Variants in AGO3 observed in about 807,000 individuals in gnomAD.
AGO3 encodes the protein protein argonaute-3.
Under a neutral mutation model 105.5 loss-of-function variants are expected in AGO3, and 16 were observed. The observed-to-expected ratio is 0.15, with a 90% CI of 0.10 to 0.23. The LOEUF (loss-of-function observed/expected upper bound fraction) is 0.23. AGO3 is among the 10% of genes least tolerant of loss of function. AGO3 has a pLI of 1.00. For missense variants in AGO3, 534 were observed against 1,088.0 expected (o/e 0.49, Z 7.16); for synonymous variants, 340 against 367.3 (o/e 0.93, Z 0.85).
chr1:35,992,115 A>T (rs1291186016), intron 5 of AGO3: 1 of 152,220 alleles, frequency 6.6e-6, no homozygotes, highest in Non-Finnish European at 1.5e-5. Flanking sequence ...TGCCTAAAGG[A>T]TAGCAGTGTG....
chr1:36,027,329 C>A lies in AGO3; in HGVS notation c.1591+31C>A. 1 of 1,553,278 alleles carries A rather than the reference C, an allele frequency of 6.4e-7. No homozygotes were observed. Among genetic ancestry groups the A allele is most frequent in the Non-Finnish European group, 8.7e-7 (1 of 1,145,444 alleles). On this transcript the variant is annotated intron_variant, in intron 12 of 18. Transcript: ENST00000373191. This position sits in a 1 kb window ranked among gnomAD's most constrained non-coding sequence, Gnocchi z 4.0. ...GATATCTTAAGACTGCATTTTTCCT[C>A]AAGTACTTGATGTCCTTTTAGGATT...
At chr1:35,966,742 A>G (rs544288250) in intron 2 of AGO3, among the ~76,000 whole-genome samples, 1 of 152,200 alleles carries the variant, frequency 6.6e-6, no homozygotes, top group Non-Finnish European at 1.5e-5. Context: ...TGCTCGCTTC[A>G]TTCTTCTCTG....
At chr1:35,960,015 T>C (rs973674946) in intron 2 of AGO3, among the ~76,000 whole-genome samples, 2 of 152,154 alleles carry the variant, frequency 1.3e-5, no homozygotes, top group African/African-American at 4.8e-5. Context: ...TAAATAACTT[T>C]CTTAACAACT....
Position 36,008,736 on chromosome 1 carries a change from C to A in AGO3, c.840C>A (p.Tyr280Ter). 6.2e-7 allele frequency: 1 copy of A among 1,614,062 alleles called. No individual in the cohort carries two copies. The highest frequency in any genetic ancestry group is 8.5e-7 in the Non-Finnish European group (1 of 1,180,018). The change falls in exon 7 of 19, where the codon TAC becomes TAA. Residue 280 changes from tyrosine (Y) to a stop codon, truncating the protein, a stop_gained. Coordinates refer to ENST00000373191, the MANE Select transcript of AGO3 (RefSeq NM_024852.4). LOFTEE classifies it high-confidence loss of function. This position sits in a 1 kb window ranked among gnomAD's most constrained non-coding sequence, Gnocchi z 5.1. ...VTHCGTMRRK[Y>*]RVCNVTRRPA... is the part of the protein sequence containing the mutation. ...ATTGTGGAACAATGAGACGGAAATA[C>A]CGTGTTTGTAATGTAACAAGGAGGC...
intron 16 of AGO3, among the ~76,000 whole-genome samples, chr1:36,041,528 A>C (rs1183022400): frequency 1.3e-5 from 2 of 152,096 alleles, no homozygotes; most frequent in Non-Finnish European, 2.9e-5. Context: ...GGTGTGAGCC[A>C]CTGCGCCCGG....
intron 2 of AGO3, among the ~76,000 whole-genome samples, chr1:35,954,792 AAGG>A (rs1225298885): frequency 2.0e-5 from 3 of 152,224 alleles, no homozygotes; most frequent in African/African-American, 4.8e-5. Flanking sequence ...GCCTTTGGGT[AAGG>A]AGGAGGATGT....
rs1553172967 is a variant in AGO3, at chr1:36,055,227, G to GCGGAGTCAGTGAT, written c.2474+84_2474+96dup. The GCGGAGTCAGTGAT allele has an allele frequency of 7.0e-6, 10 of 1,424,904 alleles. No individual in the cohort carries two copies. The Admixed American group carries it at 2.0e-4, about 29-fold the overall frequency. The allele number at this position is 1,424,904 out of a possible 1,614,324, so 88.3% of individuals were successfully genotyped here. On this transcript the variant is annotated intron_variant, in intron 18 of 18. Transcript: ENST00000373191. The surrounding 1 kb of genome is among the most constrained non-coding windows in gnomAD (Gnocchi z 4.4). ...GATTTTCAAGTTCCACAAGCTATTA[G>GCGGAGTCAGTGAT]CGGAGTCAGTGATCCATGTGAAAAA...
At chr1:36,045,992 G>A (rs1294663259) in intron 17 of AGO3, among the ~76,000 whole-genome samples, 1 of 152,180 alleles carries the variant, frequency 6.6e-6, no homozygotes, top group Admixed American at 6.5e-5. Context: ...CTCCAAATCA[G>A]GATCAGCTGG....
At chr1:36,051,044 A>C (rs1346129744) in intron 17 of AGO3, among the ~76,000 whole-genome samples, 1 of 151,946 alleles carries the variant, frequency 6.6e-6, no homozygotes, top group Admixed American at 6.6e-5. Flanking sequence ...ACCCAGGCTG[A>C]GTTTAAGCAG....
intron 9 of AGO3, among the ~76,000 whole-genome samples, chr1:36,011,148 C>T (rs1360449852): frequency 6.6e-6 from 1 of 152,062 alleles, no homozygotes; most frequent in Non-Finnish European, 1.5e-5. Flanking sequence ...TCTCGAATAC[C>T]ATTTTAACTG....
intron 17 of AGO3, among the ~76,000 whole-genome samples, chr1:36,043,856 C>CT (rs1642350582): frequency 6.6e-6 from 1 of 151,390 alleles, no homozygotes; most frequent in African/African-American, 2.4e-5. Context: ...TTAGCATATG[C>CT]ATCTTTAAAA....
At chr1:36,050,599 C>G (rs1642670939) in intron 17 of AGO3, among the ~76,000 whole-genome samples, 1 of 151,800 alleles carries the variant, frequency 6.6e-6, no homozygotes, top group African/African-American at 2.4e-5. Context: ...CGTGACCAGC[C>G]TGGCCAACAT....
rs367968988 is a variant in AGO3 at position 36,020,606 on chromosome 1, C to CATTT, written c.1407-6484_1407-6481dup. On this transcript the variant is annotated intron_variant, in intron 11 of 18. Coordinates refer to ENST00000373191, the MANE Select transcript of AGO3 (RefSeq NM_024852.4). ...GAAGTTATTTTTAATAACTGCCATA[C>CATTT]ATTTATTTATTTATTTATTTATTTA... 5.7e-3 allele frequency among the ~76,000 whole-genome samples: 859 copies of CATTT among 151,932 alleles called. 1 individual carries two copies. The highest frequency in any genetic ancestry group is 0.01 in the Middle Eastern group (3 of 292).
intron 5 of AGO3, among the ~76,000 whole-genome samples, chr1:35,988,387 T>G (rs192567452): frequency 9.2e-5 from 14 of 152,314 alleles, no homozygotes; most frequent in Non-Finnish European, 1.3e-4. Flanking sequence ...TCTCCAGAAC[T>G]TACTCATCTT....
intron 17 of AGO3, among the ~76,000 whole-genome samples, chr1:36,051,241 A>G (rs1642705190): frequency 6.6e-6 from 1 of 152,164 alleles, no homozygotes; most frequent in Non-Finnish European, 1.5e-5. Context: ...GGCCTCAAAT[A>G]TCTTTTACAT....
intron 4 of AGO3, 83 bp downstream of exon 4, chr1:35,972,315 T>G: frequency 7.2e-7 from 1 of 1,397,558 alleles, no homozygotes; most frequent in East Asian, 2.5e-5. Context: ...AAACCTTTAT[T>G]TGTCATATAT....
intron 12 of AGO3, among the ~76,000 whole-genome samples, chr1:36,032,113 T>A (rs1428707887): frequency 6.6e-6 from 1 of 152,150 alleles, no homozygotes; most frequent in African/African-American, 2.4e-5. Flanking sequence ...TATTTTTAAT[T>A]TTCTGAGGAA....
At chr1:35,975,138 A>G (rs1313453804) in intron 5 of AGO3, among the ~76,000 whole-genome samples, 6 of 152,192 alleles carry the variant, frequency 3.9e-5, no homozygotes, top group African/African-American at 1.4e-4. Flanking sequence ...GTTAAGGGCA[A>G]ATGTATTAAT....
intron 17 of AGO3, among the ~76,000 whole-genome samples, chr1:36,053,745 A>AT (rs71034711): frequency 0.58 from 46,954 of 81,310 alleles, 17,017 homozygotes; most frequent in Non-Finnish European, 0.79. Context: ...CACCTGGCTA[A>AT]TTTTTTTTTT....
Sources: allele counts gnomAD v4.1 joint callset (sites outside exome capture counted in the v4.1 genomes callset), GRCh38; gene constraint gnomAD v4.1.1; non-coding constraint Gnocchi (gnomAD v3.1); transcripts MANE v1.5; gene names NCBI Gene and HGNC (gene_info 2026-07-23, HGNC 2026-07-21).